PPP1R12B: variants seen among roughly 807,000 people sequenced by gnomAD.
PPP1R12B encodes the protein myosin phosphatase target subunit 2.
PPP1R12B carries 76 observed loss-of-function variants against 126.1 expected under a neutral mutation model. The observed-to-expected ratio is 0.60, with a 90% CI of 0.50 to 0.73. PPP1R12B has a LOEUF of 0.73. Ranked by LOEUF, PPP1R12B falls within the 30% of genes least tolerant of loss-of-function variation. The probability of loss-of-function intolerance (pLI) is 0.00; values close to 1 mark genes in which losing one functional copy is unlikely to be tolerated. For synonymous variants in PPP1R12B, 356 were observed against 434.7 expected (o/e 0.82, Z 2.25); for missense variants, 1,052 against 1,205.1 (o/e 0.87, Z 1.88).
intron 12 of PPP1R12B, among the ~76,000 whole-genome samples, chr1:202,444,813 G>A (rs554112754): frequency 6.2e-4 from 95 of 152,114 alleles, no homozygotes; most frequent in African/African-American, 2.1e-3. Context: ...TTGGATGATT[G>A]ACCAAAAAGA....
intron 1 of PPP1R12B, among the ~76,000 whole-genome samples, chr1:202,355,985 T>G (rs1657013829): frequency 6.6e-6 from 1 of 151,738 alleles, no homozygotes; most frequent in South Asian, 2.1e-4. Flanking sequence ...GCCTGAGCAA[T>G]GTGGTGAGAC....
chr1:202,443,627 GGT>G (rs1291824220), intron 12 of PPP1R12B, among the ~76,000 whole-genome samples: 95 of 152,304 alleles, frequency 6.2e-4, no homozygotes, highest in African/African-American at 2.1e-3. Context: ...ACACAAAAGA[GGT>G]GTTTCTTGCT....
intron 13 of PPP1R12B, among the ~76,000 whole-genome samples, chr1:202,453,185 A>G (rs1002256546): frequency 1.2e-4 from 19 of 152,116 alleles, no homozygotes; most frequent in Non-Finnish European, 2.5e-4. Context: ...GGTTTTTATC[A>G]TGAAAGGATG....
At chr1:202,367,454 C>T (rs1295253763) in intron 1 of PPP1R12B, among the ~76,000 whole-genome samples, 1 of 152,180 alleles carries the variant, frequency 6.6e-6, no homozygotes, top group African/African-American at 2.4e-5. Flanking sequence ...GACACTGTAT[C>T]ATCTGATCCC....
chr1:202,348,743 C>A lies in PPP1R12B; in HGVS notation c.-109C>A. On this transcript the variant is annotated 5_prime_UTR_variant, in exon 1 of 24. Coordinates refer to ENST00000608999, the MANE Select transcript of PPP1R12B (RefSeq NM_002481.4). ...GTAAAGATGGCGGCGCGAGGGTCTC[C>A]GCCCTCTGCTCCGGGCTGAAGCGCT... 1.5e-6 allele frequency: 2 copies of A among 1,374,730 alleles called. No homozygotes were observed. Among genetic ancestry groups the A allele is most frequent in the African/African-American group, 1.5e-5 (1 of 67,858 alleles). The allele number at this position is 1,374,730 out of a possible 1,614,324, so 85.2% of individuals were successfully genotyped here.
intron 18 of PPP1R12B, among the ~76,000 whole-genome samples, chr1:202,524,203 T>G (rs1484243332): frequency 2.6e-5 from 4 of 152,114 alleles, no homozygotes; most frequent in African/African-American, 9.7e-5. Context: ...AGAGCCAACA[T>G]TTCCTGGAAG....
chr1:202,412,889 G>A (rs1459645420), intron 1 of PPP1R12B, among the ~76,000 whole-genome samples: 1 of 152,160 alleles, frequency 6.6e-6, no homozygotes, highest in Non-Finnish European at 1.5e-5. Context: ...GCTAGACCTT[G>A]CCATATGGGA....
intron 23 of PPP1R12B, chr1:202,575,252 G>C (rs763566093): frequency 1.2e-5 from 17 of 1,390,948 alleles, no homozygotes; most frequent in Non-Finnish European, 1.5e-5. Flanking sequence ...TCCATATGCA[G>C]GTTCCTGCAA....
At chr1:202,363,136 T>C (rs1175359144) in intron 1 of PPP1R12B, among the ~76,000 whole-genome samples, 2 of 152,212 alleles carry the variant, frequency 1.3e-5, no homozygotes, top group African/African-American at 4.8e-5. Context: ...ATCCAGCCTG[T>C]AGTTTGAATC....
chr1:202,428,917 G>A lies in PPP1R12B; in HGVS notation c.909G>A (p.Lys303=), dbSNP rs1669876068. 2 of 1,607,506 alleles carry A rather than the reference G, an allele frequency of 1.2e-6. No individual in the cohort carries two copies. The highest frequency in any genetic ancestry group is 1.7e-6 in the Non-Finnish European group (2 of 1,177,472). Reference sequence around the variant, plus strand: ...TGGAGCATTTGGAGTTGCTCCAGAAGAAGCAGAATGTGGTGAGTTTCTGAT... The same window carrying A: ...TGGAGCATTTGGAGTTGCTCCAGAAAAAGCAGAATGTGGTGAGTTTCTGAT... ...GLVEHLELLQ[K]KQNVLRSEKE... Residue 303 remains lysine, a synonymous_variant, in exon 6 of 24, where the codon AAG becomes AAA. Coordinates refer to ENST00000608999, the MANE Select transcript of PPP1R12B (RefSeq NM_002481.4).
At chr1:202,377,553 C>T (rs961768764) in intron 1 of PPP1R12B, among the ~76,000 whole-genome samples, 1 of 151,942 alleles carries the variant, frequency 6.6e-6, no homozygotes, top group African/African-American at 2.4e-5. Flanking sequence ...ATCCGCCCGC[C>T]TCGGCCTCCC....
At chr1:202,407,959 C>T (rs1666841994) in intron 1 of PPP1R12B, among the ~76,000 whole-genome samples, 1 of 151,930 alleles carries the variant, frequency 6.6e-6, no homozygotes, top group Admixed American at 6.6e-5. Context: ...AGAATAATGA[C>T]TATTTACATA....
At chr1:202,542,467 C>T (rs147535629) in intron 18 of PPP1R12B, among the ~76,000 whole-genome samples, 5 of 152,324 alleles carry the variant, frequency 3.3e-5, no homozygotes, top group African/African-American at 1.2e-4. Flanking sequence ...ATATTCCCAG[C>T]AACATTGGAG....
At chr1:202,371,181 ATT>A (rs1214666307) in intron 1 of PPP1R12B, among the ~76,000 whole-genome samples, 4 of 110,668 alleles carry the variant, frequency 3.6e-5, no homozygotes, top group Non-Finnish European at 3.7e-5. Flanking sequence ...ACACCCAGCT[ATT>A]TTTTTTTTTT....
At chr1:202,515,332 A>T (rs1345371204) in intron 18 of PPP1R12B, among the ~76,000 whole-genome samples, 3 of 152,212 alleles carry the variant, frequency 2.0e-5, no homozygotes, top group African/African-American at 7.2e-5. Context: ...GTAGTATTCA[A>T]CCAAACAAGG....
chr1:202,397,108 T>C (rs1665103214), intron 1 of PPP1R12B, among the ~76,000 whole-genome samples: 1 of 152,188 alleles, frequency 6.6e-6, no homozygotes, highest in Non-Finnish European at 1.5e-5. Flanking sequence ...CTTTCCTCCC[T>C]TTCTTAGCCA....
intron 11 of PPP1R12B, among the ~76,000 whole-genome samples, chr1:202,441,311 C>T (rs1269779319): frequency 5.9e-4 from 90 of 152,208 alleles, no homozygotes; most frequent in African/African-American, 2.0e-3. Flanking sequence ...CACCCGGGTA[C>T]ATTTTATTTT....
At chr1:202,389,926 C>CAAA (rs35190931) in intron 1 of PPP1R12B, among the ~76,000 whole-genome samples, 2 of 95,860 alleles carry the variant, frequency 2.1e-5, no homozygotes, top group African/African-American at 3.9e-5. Context: ...GACTCTGTCT[C>CAAA]AAAAAAAAAA....
intron 18 of PPP1R12B, among the ~76,000 whole-genome samples, chr1:202,506,826 G>T (rs1452735613): frequency 3.3e-5 from 5 of 152,084 alleles, no homozygotes; most frequent in African/African-American, 9.7e-5. Flanking sequence ...ATATAAAGTG[G>T]TAGCTCTCAA....
Sources: gnomAD v4.1 joint callset for allele counts (sites outside exome capture counted in the v4.1 genomes callset) on GRCh38, gnomAD v4.1.1 for gene constraint, MANE v1.5 for transcripts, NCBI Gene and HGNC (gene_info 2026-07-23, HGNC 2026-07-21) for gene names.